The following KCNN2 variants were observed in gnomAD, a reference collection of about 807,000 sequenced individuals.
KCNN2 encodes potassium calcium-activated channel subfamily N member 2, also known as small conductance calcium-activated potassium channel protein 2.
Under a neutral mutation model 55.5 loss-of-function variants are expected in KCNN2, and 24 were observed. The ratio of observed to expected loss-of-function variants is 0.43; its 90% CI spans 0.31 to 0.61. KCNN2 has a LOEUF of 0.61. Ranked by LOEUF, KCNN2 falls within the 20% of genes least tolerant of loss-of-function variation. The probability of loss-of-function intolerance (pLI) is 0.08; values close to 1 mark genes in which losing one functional copy is unlikely to be tolerated. For missense variants in KCNN2, 754 were observed against 853.6 expected, an observed-to-expected ratio of 0.88 and a Z score of 1.45; for synonymous variants, 431 against 336.1, an observed-to-expected ratio of 1.28 and a Z score of -3.09.
intron 1 of KCNN2, among the ~76,000 whole-genome samples, chr5:114,141,394 T>A (rs144034159): frequency 0.031 from 4,700 of 152,126 alleles, 253 homozygotes; most frequent in African/African-American, 0.11. Context: ...TTTTTTTTTG[T>A]CCTTGTGATA....
chr5:114,075,140 C>A (rs1377205524), intron 1 of KCNN2, among the ~76,000 whole-genome samples: 1 of 152,124 alleles, frequency 6.6e-6, no homozygotes, highest in Admixed American at 6.5e-5. Context: ...AGTTTAATTG[C>A]CAAACACAGA....
chr5:114,075,375 G>A (rs1181466797), intron 1 of KCNN2, among the ~76,000 whole-genome samples: 4 of 152,154 alleles, frequency 2.6e-5, no homozygotes, highest in Non-Finnish European at 5.9e-5. Context: ...GAAGGAATCC[G>A]AAAGGTTAAA....
intron 5 of KCNN2, chr5:114,486,532 C>G (rs1747547093): frequency 1.0e-5 from 3 of 286,428 alleles, no homozygotes; most frequent in South Asian, 3.2e-5. Flanking sequence ...AGTATACTAA[C>G]AAGCATACAA....
chr5:114,360,713 G>C (rs1757392452), upstream of KCNN2, among the ~76,000 whole-genome samples: 1 of 152,148 alleles, frequency 6.6e-6, no homozygotes, highest in South Asian at 2.1e-4. Flanking sequence ...GTTTATTAGA[G>C]AGTAAATAAA....
chr5:114,163,169 G>T (rs1752828871), intron 1 of KCNN2, among the ~76,000 whole-genome samples: 1 of 152,174 alleles, frequency 6.6e-6, no homozygotes, highest in Non-Finnish European at 1.5e-5. Flanking sequence ...TTCTTAAGCT[G>T]TTTGTTTAGG....
chr5:114,236,960 A>G (rs1754509512), intron 2 of KCNN2, among the ~76,000 whole-genome samples: 1 of 152,170 alleles, frequency 6.6e-6, no homozygotes, highest in Non-Finnish European at 1.5e-5. Context: ...GGTAAAATAT[A>G]CCACATCATA....
chr5:114,405,205 G>A (rs1758894847), intron 3 of KCNN2, among the ~76,000 whole-genome samples: 1 of 152,172 alleles, frequency 6.6e-6, no homozygotes, highest in Non-Finnish European at 1.5e-5. Context: ...TTGCTTATGA[G>A]CGTTGTTTGT....
At chr5:114,485,828 A>G (rs777696569) in intron 5 of KCNN2, among the ~76,000 whole-genome samples, 4 of 152,218 alleles carry the variant, frequency 2.6e-5, no homozygotes, top group Non-Finnish European at 4.4e-5. Context: ...TCACTCCATG[A>G]GAAAGATTCA....
chr5:114,451,438 C>T (rs775602503), intron 3 of KCNN2, among the ~76,000 whole-genome samples: 9 of 152,018 alleles, frequency 5.9e-5, no homozygotes, highest in East Asian at 3.9e-4. Context: ...GCCAAACATA[C>T]GCACACACAC....
chr5:114,372,561 A>G (rs537111823), intron 2 of KCNN2, among the ~76,000 whole-genome samples: 39 of 152,254 alleles, frequency 2.6e-4, no homozygotes, highest in African/African-American at 9.1e-4. Flanking sequence ...TTATGACCTA[A>G]TCCCTTTACT....
intron 2 of KCNN2, among the ~76,000 whole-genome samples, chr5:114,240,876 A>G (rs1208829694): frequency 1.3e-5 from 2 of 152,018 alleles, no homozygotes; most frequent in Non-Finnish European, 2.9e-5. Context: ...AAATATGTGA[A>G]AAGAATTTAA....
At chr5:114,334,812 A>T (rs1176259285) in intron 2 of KCNN2, among the ~76,000 whole-genome samples, 1 of 152,196 alleles carries the variant, frequency 6.6e-6, no homozygotes, top group African/African-American at 2.4e-5. Flanking sequence ...AAGAGACAAA[A>T]TTGACCCATG....
intron 2 of KCNN2, among the ~76,000 whole-genome samples, chr5:114,286,487 A>C (rs1755756431): frequency 6.6e-6 from 1 of 152,208 alleles, no homozygotes; most frequent in African/African-American, 2.4e-5. Context: ...AGAATGTTAA[A>C]AAAAAGAGGG....
At position 114,487,127 on chromosome 5, in the gene KCNN2, T is replaced by G; in HGVS notation, c.1968T>G (p.Asp656Glu). ...ATACAAAGCTAGTGAAAAAGATAGATCATGCAAAAGTAAGAAAACATCAAC... is the reference window on the plus strand; with the variant it reads ...ATACAAAGCTAGTGAAAAAGATAGAGCATGCAAAAGTAAGAAAACATCAAC... ...YKNTKLVKKI[D>E]HAKVRKHQRK... Residue 656 changes from aspartate to glutamate, a missense_variant, in exon 6 of 8, where the codon GAT becomes GAG. Coordinates refer to ENST00000673685, the MANE Select transcript of KCNN2 (RefSeq NM_021614.4). 1 of 1,612,974 alleles carries G rather than the reference T, an allele frequency of 6.2e-7. No homozygotes were observed. The highest frequency in any genetic ancestry group is 2.2e-5 in the East Asian group (1 of 44,726).
chr5:114,296,787 G>T (rs1756020199), intron 2 of KCNN2, among the ~76,000 whole-genome samples: 1 of 152,250 alleles, frequency 6.6e-6, no homozygotes, highest in African/African-American at 2.4e-5. Context: ...AATATTGTTT[G>T]TTTTTAATTT....
chr5:114,159,960 G>A (rs1310909573), intron 1 of KCNN2, among the ~76,000 whole-genome samples: 1 of 151,986 alleles, frequency 6.6e-6, no homozygotes, highest in East Asian at 1.9e-4. Flanking sequence ...ACCAGCTCCT[G>A]GATTCATTGA....
intron 1 of KCNN2, among the ~76,000 whole-genome samples, chr5:114,118,721 G>T (rs1160302450): frequency 6.6e-6 from 1 of 152,052 alleles, no homozygotes; most frequent in African/African-American, 2.4e-5. Flanking sequence ...TTGGCATCCT[G>T]TGGCCCAGTC....
intron 1 of KCNN2, among the ~76,000 whole-genome samples, chr5:114,176,324 GT>G (rs929399420): frequency 2.6e-5 from 4 of 151,568 alleles, no homozygotes; most frequent in Middle Eastern, 3.4e-3. Context: ...ATAATCATAA[GT>G]TTTTTTTTGG....
At chr5:114,281,156 A>G (rs932847646) in intron 2 of KCNN2, among the ~76,000 whole-genome samples, 1 of 152,128 alleles carries the variant, frequency 6.6e-6, no homozygotes, top group African/African-American at 2.4e-5. Context: ...TAACAAGGAA[A>G]TATGCTTAAC....
Sources: allele counts gnomAD v4.1 joint callset (sites outside exome capture counted in the v4.1 genomes callset), GRCh38; gene constraint gnomAD v4.1.1; transcripts MANE v1.5; gene names NCBI Gene and HGNC (gene_info 2026-07-23, HGNC 2026-07-21).